Variants in ENTREP2 observed in about 807,000 individuals in gnomAD.
The protein encoded by ENTREP2 is endosomal transmembrane epsin interactor 2, also known as protein ENTREP2.
chr15:29,581,589 T>C, the ENTREP2 span, among the ~76,000 whole-genome samples: 4 of 152,284 alleles, frequency 2.6e-5, no homozygotes, highest in East Asian at 7.7e-4. Flanking sequence ...AAAAAACTCC[T>C]AAACAAATGG....
chr15:29,153,038 A>G, the ENTREP2 span, among the ~76,000 whole-genome samples: 31 of 152,194 alleles, frequency 2.0e-4, no homozygotes, highest in Non-Finnish European at 3.4e-4. Context: ...CCCTGATGCT[A>G]ATGATGTCGA....
the ENTREP2 span, among the ~76,000 whole-genome samples, chr15:29,326,305 T>TA: frequency 1.3e-5 from 2 of 152,186 alleles, no homozygotes; most frequent in Non-Finnish European, 2.9e-5. Context: ...TCATAAATGA[T>TA]ATGATTGTTC....
the ENTREP2 span, among the ~76,000 whole-genome samples, chr15:29,223,817 A>G: frequency 1.3e-5 from 2 of 152,120 alleles, no homozygotes; most frequent in African/African-American, 4.8e-5. Flanking sequence ...ATCCTTCTAC[A>G]CTGCAGGTAT....
the ENTREP2 span, among the ~76,000 whole-genome samples, chr15:29,385,730 G>A: frequency 6.6e-6 from 1 of 152,130 alleles, no homozygotes. Context: ...GGTGCCTGGC[G>A]AGGGCTCCAC....
chr15:29,549,275 AT>A, the ENTREP2 span, among the ~76,000 whole-genome samples: 86 of 148,330 alleles, frequency 5.8e-4, no homozygotes, highest in East Asian at 3.6e-3. Flanking sequence ...TTTGTTATAC[AT>A]TTTTTTTTTT....
At chr15:29,225,158 C>T in the ENTREP2 span, among the ~76,000 whole-genome samples, 1 of 152,198 alleles carries the variant, frequency 6.6e-6, no homozygotes, top group East Asian at 1.9e-4. Context: ...GCTAAGGGAA[C>T]AGGCTCCAGC....
chr15:29,629,415 T>C, the ENTREP2 span, among the ~76,000 whole-genome samples: 1 of 152,344 alleles, frequency 6.6e-6, no homozygotes, highest in South Asian at 2.1e-4. Flanking sequence ...ATTACCTGAA[T>C]GTTATTTAGA....
chr15:29,259,442 A>T, the ENTREP2 span, among the ~76,000 whole-genome samples: 1 of 152,118 alleles, frequency 6.6e-6, no homozygotes, highest in Non-Finnish European at 1.5e-5. Flanking sequence ...GCCTGAGAAA[A>T]TTCAAGGCTG....
the ENTREP2 span, among the ~76,000 whole-genome samples, chr15:29,176,853 C>T: frequency 6.6e-6 from 1 of 152,330 alleles, no homozygotes; most frequent in African/African-American, 2.4e-5. Flanking sequence ...TTATCTCTGC[C>T]CAGGTTGGTG....
the ENTREP2 span, among the ~76,000 whole-genome samples, chr15:29,178,586 G>C: frequency 6.6e-6 from 1 of 151,992 alleles, no homozygotes; most frequent in Admixed American, 6.6e-5. Flanking sequence ...TCGTCCCACA[G>C]TGAGACACAT....
chr15:29,165,460 A>G, the ENTREP2 span, among the ~76,000 whole-genome samples: 1,228 of 152,274 alleles, frequency 8.1e-3, 15 homozygotes, highest in African/African-American at 0.028. Flanking sequence ...AGAAGAGAGA[A>G]AATCCAAATA....
the ENTREP2 span, among the ~76,000 whole-genome samples, chr15:29,207,038 C>T: frequency 4.6e-5 from 7 of 152,154 alleles, no homozygotes; most frequent in East Asian, 1.9e-4. Context: ...CACTTTCCCG[C>T]GAGTGGCTCA....
chr15:29,654,954 G>T, the ENTREP2 span, among the ~76,000 whole-genome samples: 1 of 152,164 alleles, frequency 6.6e-6, no homozygotes, highest in Non-Finnish European at 1.5e-5. Context: ...GACAAAAGGA[G>T]GGGTACTTTG....
chr15:29,520,605 A>G, the ENTREP2 span, among the ~76,000 whole-genome samples: 2 of 152,202 alleles, frequency 1.3e-5, no homozygotes, highest in African/African-American at 2.4e-5. Flanking sequence ...TTAGAAGAAT[A>G]AAAGAGTAAT....
At chr15:29,369,507 C>T in the ENTREP2 span, among the ~76,000 whole-genome samples, 1 of 151,932 alleles carries the variant, frequency 6.6e-6, no homozygotes, top group South Asian at 2.1e-4. Flanking sequence ...CAAGACATTA[C>T]CAGATAAGCC....
At chr15:29,226,070 CT>C in the ENTREP2 span, among the ~76,000 whole-genome samples, 1 of 152,240 alleles carries the variant, frequency 6.6e-6, no homozygotes, top group African/African-American at 2.4e-5. Context: ...CAGGATTTGG[CT>C]TGTCTCCAGG....
the ENTREP2 span, among the ~76,000 whole-genome samples, chr15:29,253,623 A>C: frequency 2.5e-4 from 38 of 152,106 alleles, no homozygotes; most frequent in African/African-American, 8.4e-4. Context: ...TTGTATTTTT[A>C]GTAGAGACGG....
chr15:29,299,447 C>T, the ENTREP2 span, among the ~76,000 whole-genome samples: 1 of 152,178 alleles, frequency 6.6e-6, no homozygotes. Context: ...GGCTGCAGCA[C>T]ACTGGCTTCT....
At chr15:29,608,057 C>G in the ENTREP2 span, among the ~76,000 whole-genome samples, 1 of 152,108 alleles carries the variant, frequency 6.6e-6, no homozygotes, top group Admixed American at 6.6e-5. Flanking sequence ...GCCAGTCTTG[C>G]CTTTTCACGT....
Sources: gnomAD v4.1 joint callset for allele counts (sites outside exome capture counted in the v4.1 genomes callset) on GRCh38, gnomAD v4.1.1 for gene constraint, MANE v1.5 for transcripts, NCBI Gene and HGNC (gene_info 2026-07-23, HGNC 2026-07-21) for gene names.